The following PDE1C variants were observed in gnomAD, a reference collection of about 807,000 sequenced individuals.
PDE1C encodes phosphodiesterase 1C.
A neutral mutation model predicts 93.1 loss-of-function variants in PDE1C; 62 were observed. The observed-to-expected ratio is 0.67, with a 90% CI of 0.54 to 0.82. The LOEUF is 0.82. Among genes scored for constraint, PDE1C ranks in the 40% least tolerant of loss-of-function variants. The probability of loss-of-function intolerance (pLI) is 0.00; values close to 1 mark genes in which losing one functional copy is unlikely to be tolerated. For missense variants in PDE1C, 742 were observed against 884.6 expected (o/e 0.84, Z 2.04); for synonymous variants, 325 against 310.1 (o/e 1.05, Z -0.50).
intron 1 of PDE1C, among the ~76,000 whole-genome samples, chr7:32,334,775 G>T (rs1783583667): frequency 6.6e-6 from 1 of 152,116 alleles, no homozygotes; most frequent in Non-Finnish European, 1.5e-5. Flanking sequence ...GTTTATGCAT[G>T]TTTGCACATG....
At chr7:32,141,250 C>G (rs977435081) in intron 3 of PDE1C, among the ~76,000 whole-genome samples, 1 of 152,092 alleles carries the variant, frequency 6.6e-6, no homozygotes, top group Non-Finnish European at 1.5e-5. Context: ...GAGAATAGCT[C>G]AAGGACAGGA....
chr7:31,642,846 C>G, the PDE1C span: 1 of 1,614,008 alleles, frequency 6.2e-7, no homozygotes, highest in Non-Finnish European at 8.5e-7. Flanking sequence ...AAGCGAATGC[C>G]TTGGAACAAA....
chr7:31,677,550 T>A, the PDE1C span, among the ~76,000 whole-genome samples: 1 of 150,832 alleles, frequency 6.6e-6, no homozygotes, highest in African/African-American at 2.5e-5. Context: ...AAAGATCATA[T>A]TTTTTTTCTC....
chr7:32,355,266 G>C (rs12532023), intron 1 of PDE1C, among the ~76,000 whole-genome samples: 13,511 of 152,242 alleles, frequency 0.089, 706 homozygotes, highest in East Asian at 0.13. Context: ...TGATTCTATG[G>C]GAAGGCAAGA....
chr7:32,169,174 T>G (rs1362017262), intron 3 of PDE1C, among the ~76,000 whole-genome samples: 1 of 152,152 alleles, frequency 6.6e-6, no homozygotes, highest in East Asian at 1.9e-4. Context: ...ATACCCAGAT[T>G]GATTTTTATT....
intron 2 of PDE1C, among the ~76,000 whole-genome samples, chr7:31,902,067 T>C (rs2128922100): frequency 6.6e-6 from 1 of 151,380 alleles, no homozygotes; most frequent in Admixed American, 6.6e-5. Flanking sequence ...GTGGAAAAGG[T>C]TTCTCTAAGC....
chr7:32,075,275 A>G (rs920242583), upstream of PDE1C, among the ~76,000 whole-genome samples: 2 of 152,218 alleles, frequency 1.3e-5, no homozygotes, highest in South Asian at 4.1e-4. Flanking sequence ...AAGCCAGCCT[A>G]TGCCCTTGAT....
intron 2 of PDE1C, among the ~76,000 whole-genome samples, chr7:32,180,642 G>A (rs964373120): frequency 5.3e-5 from 8 of 152,200 alleles, no homozygotes; most frequent in Non-Finnish European, 2.9e-5. Flanking sequence ...CTCCAGAACT[G>A]TGAGAAATAA....
chr7:32,037,341 G>C (rs897916036), intron 2 of PDE1C, among the ~76,000 whole-genome samples: 7 of 152,046 alleles, frequency 4.6e-5, no homozygotes, highest in Non-Finnish European at 1.0e-4. Flanking sequence ...TCTAGTTCAC[G>C]ATAAGGTAAT....
the PDE1C span, among the ~76,000 whole-genome samples, chr7:31,714,014 C>T: frequency 1.3e-5 from 2 of 152,148 alleles, no homozygotes; most frequent in South Asian, 2.1e-4. Context: ...ACATTTGGCT[C>T]CTCATTACTT....
At chr7:31,656,984 G>A in the PDE1C span, among the ~76,000 whole-genome samples, 1 of 147,946 alleles carries the variant, frequency 6.8e-6, no homozygotes, top group African/African-American at 2.5e-5. Flanking sequence ...AGGCCTTTAG[G>A]CTCAGACTGA....
chr7:31,945,443 T>C (rs1289260400), intron 2 of PDE1C, among the ~76,000 whole-genome samples: 2 of 152,180 alleles, frequency 1.3e-5, no homozygotes, highest in East Asian at 3.8e-4. Flanking sequence ...TTTTTCTTTG[T>C]CTGAAGAAGC....
At chr7:31,813,435 A>C (rs1787801276) in intron 15 of PDE1C, among the ~76,000 whole-genome samples, 1 of 152,124 alleles carries the variant, frequency 6.6e-6, no homozygotes, top group African/African-American at 2.4e-5. Context: ...AATGTAAAGA[A>C]GCCCATGTAT....
the PDE1C span, among the ~76,000 whole-genome samples, chr7:31,691,809 A>C: frequency 2.0e-5 from 3 of 150,932 alleles, no homozygotes; most frequent in African/African-American, 7.3e-5. Flanking sequence ...AAAAAAAAAA[A>C]AAAAAAAAAA....
intron 2 of PDE1C, among the ~76,000 whole-genome samples, chr7:32,196,007 T>C (rs1804586782): frequency 1.3e-5 from 2 of 152,156 alleles, no homozygotes; most frequent in Admixed American, 1.3e-4. Flanking sequence ...CCTCTAGGCC[T>C]CCCCTGACAC....
At chr7:32,412,293 T>C (rs1785185996) in intron 1 of PDE1C, among the ~76,000 whole-genome samples, 2 of 151,598 alleles carry the variant, frequency 1.3e-5, no homozygotes, top group African/African-American at 4.9e-5. Context: ...CTGTTTATAC[T>C]AAAAATACAA....
intron 3 of PDE1C, among the ~76,000 whole-genome samples, chr7:32,164,265 A>C (rs763185466): frequency 2.6e-5 from 4 of 152,198 alleles, no homozygotes; most frequent in Non-Finnish European, 5.9e-5. Flanking sequence ...TCTATCCAAA[A>C]AGGGTAGGTG....
intron 2 of PDE1C, among the ~76,000 whole-genome samples, chr7:32,038,620 G>T (rs1250337274): frequency 6.6e-6 from 1 of 152,040 alleles, no homozygotes; most frequent in Non-Finnish European, 1.5e-5. Flanking sequence ...ACATCTCTCA[G>T]ACCCCAAAAT....
intron 16 of PDE1C, among the ~76,000 whole-genome samples, chr7:31,795,902 C>T (rs1472935216): frequency 2.0e-5 from 3 of 151,538 alleles, no homozygotes; most frequent in Non-Finnish European, 4.4e-5. Flanking sequence ...CAACCTACAG[C>T]ACAGCTTCCA....
Sources: gnomAD v4.1 joint callset for allele counts (sites outside exome capture counted in the v4.1 genomes callset) on GRCh38, gnomAD v4.1.1 for gene constraint, MANE v1.5 for transcripts, NCBI Gene and HGNC (gene_info 2026-07-23, HGNC 2026-07-21) for gene names.